The following ADAMTSL2 variants were observed in gnomAD, a reference collection of about 807,000 sequenced individuals.
ADAMTSL2 encodes ADAMTS-like protein 2.
Under a neutral mutation model 117.0 loss-of-function variants are expected in ADAMTSL2, and 55 were observed. The observed-to-expected ratio is 0.47, with a 90% CI of 0.38 to 0.59. The LOEUF is 0.59. Among genes scored for constraint, ADAMTSL2 ranks in the 20% least tolerant of loss-of-function variants. ADAMTSL2 has a pLI of 0.00. For missense variants in ADAMTSL2, 1,182 were observed against 1,354.5 expected (o/e 0.87, Z 2.00); for synonymous variants, 572 against 566.4 (o/e 1.01, Z -0.14).
rs969455405 is a variant in ADAMTSL2 at position 133,572,994 on chromosome 9, G to C, written c.2593-849G>C. 2.6e-5 allele frequency among the ~76,000 whole-genome samples: 4 copies of C among 152,330 alleles called. No individual in the cohort carries two copies. In the South Asian group the frequency reaches 8.3e-4, roughly 32 times the overall value. On this transcript the variant is annotated intron_variant, in intron 17 of 18. Transcript: ENST00000651351. ...CCAAGCCAGCCTCTCCTCGCCTGCA[G>C]ACGGTGCCAGCCCCCACCCCCTGGC...
chr9:133,538,397 C>G lies in ADAMTSL2; in HGVS notation c.282C>G (p.Ser94=). 1 of 1,613,310 alleles carries G rather than the reference C, an allele frequency of 6.2e-7. No individual in the cohort carries two copies. Among genetic ancestry groups the G allele is most frequent in the Non-Finnish European group, 8.5e-7 (1 of 1,180,042 alleles). The change falls in exon 4 of 19, where the codon TCC becomes TCG. Residue 94 remains serine, a synonymous_variant. Coordinates refer to ENST00000651351, the MANE Select transcript of ADAMTSL2 (RefSeq NM_014694.4). ...GPGNRTCTGT[S]KRYQLCRVQE... ...GGAACAGGACCTGCACGGGCACGTC[C>G]AAGCGGTACCAGCTCTGCAGAGTGC...
In ADAMTSL2 at chr9:133,575,357, CCT is replaced by C; in HGVS notation, c.*496_*497del. ...CAGCCAAGGAGGCCCAGGCGTGCTC[CCT>C]CTTATGGAGCCCCTCCCATGGAGCT... On this transcript the variant is annotated 3_prime_UTR_variant, in exon 19 of 19. Coordinates refer to ENST00000651351, the MANE Select transcript of ADAMTSL2 (RefSeq NM_014694.4). The C allele has an allele frequency of 5.4e-6, 1 of 183,536 alleles. No individual in the cohort carries two copies. The highest frequency in any genetic ancestry group is 1.5e-4 in the East Asian group (1 of 6,896). The allele number at this position is 183,536 out of a possible 1,614,324, so 11.4% of individuals were successfully genotyped here.
At position 133,568,593 on chromosome 9, in the gene ADAMTSL2, G is replaced by A. The variant is rs886063645; in HGVS notation, c.2089-10G>A. The A allele has an allele frequency of 1.5e-5, 23 of 1,578,358 alleles. No individual in the cohort carries two copies. In the East Asian group the frequency reaches 4.6e-4, roughly 31 times the overall value. On this transcript the variant is annotated splice_polypyrimidine_tract_variant and intron_variant, in intron 14 of 18. Transcript: ENST00000651351. ...CACACCCCCCCTGCCCCCTCCCCCT[G>A]CCGCCCCAGTGCACTGCCAAGTGTG...
intron 12 of ADAMTSL2, among the ~76,000 whole-genome samples, chr9:133,565,718 G>A (rs949293573): frequency 2.4e-4 from 36 of 152,350 alleles, no homozygotes; most frequent in African/African-American, 7.7e-4. Context: ...GACACACGCC[G>A]CCGGGCGGCT....
At chr9:133,570,301 G>T (rs1370785551) in intron 16 of ADAMTSL2, 30 bp from the exon 17 acceptor site, 42 of 1,536,892 alleles carry the variant, frequency 2.7e-5, no homozygotes, top group Non-Finnish European at 3.6e-5. Context: ...GGGCCCTGGC[G>T]CTGACCCGCT....
intron 11 of ADAMTSL2, 97 bp from the exon 12 acceptor site, chr9:133,561,101 C>A: frequency 1.9e-6 from 2 of 1,029,016 alleles, no homozygotes; most frequent in East Asian, 2.6e-5. Flanking sequence ...TTCAGGCGAA[C>A]ATACCCTCCG....
In ADAMTSL2 at chr9:133,537,612, C is replaced by A. The variant is rs909190407; in HGVS notation, c.233+65C>A. ...GGGCAGGGTAGCGGGCAGGAGAGGG[C>A]GGTTGGCTCTTCAGCCTGGTGGCTT... On this transcript the variant is annotated intron_variant, in intron 3 of 18. Coordinates refer to ENST00000651351, the MANE Select transcript of ADAMTSL2 (RefSeq NM_014694.4). The A allele has an allele frequency of 8.4e-6, 11 of 1,301,836 alleles. No individual in the cohort carries two copies. In the South Asian group the frequency reaches 3.3e-4, roughly 39 times the overall value. The allele number at this position is 1,301,836 out of a possible 1,614,324, so 80.6% of individuals were successfully genotyped here.
intron 17 of ADAMTSL2, among the ~76,000 whole-genome samples, chr9:133,571,673 G>A (rs1051364676): frequency 2.0e-5 from 3 of 152,250 alleles, no homozygotes; most frequent in South Asian, 2.1e-4. Flanking sequence ...TCAGCCATCC[G>A]TGCCCCTTTC....
At chr9:133,565,745 G>A (rs1292438537) in intron 12 of ADAMTSL2, among the ~76,000 whole-genome samples, 5 of 152,198 alleles carry the variant, frequency 3.3e-5, no homozygotes, top group African/African-American at 1.2e-4. Flanking sequence ...TCTGGATATG[G>A]GGAAACCGAT....
At chr9:133,552,929 G>C (rs1830519853) in intron 9 of ADAMTSL2, among the ~76,000 whole-genome samples, 1 of 152,226 alleles carries the variant, frequency 6.6e-6, no homozygotes, top group Admixed American at 6.5e-5. Context: ...TTTGTCATGA[G>C]AGGATGCACC....
At chr9:133,534,218 C>G (rs1829994480), upstream of ADAMTSL2, 1 of 152,762 alleles carries the variant, frequency 6.5e-6, no homozygotes, top group Admixed American at 6.5e-5. Context: ...CTGCTTAGGC[C>G]CCTGCATCTC....
intron 13 of ADAMTSL2, 140 bp downstream of exon 13, chr9:133,567,202 A>G: frequency 9.2e-7 from 1 of 1,086,288 alleles, no homozygotes; most frequent in Non-Finnish European, 1.3e-6. Flanking sequence ...GGAGGGGCAT[A>G]CAGACCTCAC....
At chr9:133,562,022 G>A (rs1438094434) in intron 12 of ADAMTSL2, among the ~76,000 whole-genome samples, 1 of 152,250 alleles carries the variant, frequency 6.6e-6, no homozygotes, top group African/African-American at 2.4e-5. Flanking sequence ...TGCCGGCTGT[G>A]AGGTCACATT....
chr9:133,563,333 G>A (rs1830792117), intron 12 of ADAMTSL2, among the ~76,000 whole-genome samples: 1 of 152,246 alleles, frequency 6.6e-6, no homozygotes, highest in Non-Finnish European at 1.5e-5. Context: ...CATGGTGGTG[G>A]GGTGTCAGCA....
At chr9:133,540,542 T>C (rs1180510894) in intron 5 of ADAMTSL2, 56 bp from the exon 6 acceptor site, 20 of 1,600,404 alleles carry the variant, frequency 1.2e-5, no homozygotes, top group Non-Finnish European at 1.7e-5. Flanking sequence ...GGAAGTCCTC[T>C]GAATCCGGCA....
chr9:133,552,426 G>A (rs926200309), intron 9 of ADAMTSL2, among the ~76,000 whole-genome samples: 4 of 152,206 alleles, frequency 2.6e-5, no homozygotes, highest in African/African-American at 7.2e-5. Flanking sequence ...CGCCATCAGT[G>A]CAGAGGACAA....
At chr9:133,544,632 C>G in intron 8 of ADAMTSL2, 82 bp downstream of exon 8, 2 of 1,193,600 alleles carry the variant, frequency 1.7e-6, no homozygotes, top group Non-Finnish European at 2.5e-6. Context: ...GGCACTTGAC[C>G]CTGGACCCCT....
intron 17 of ADAMTSL2, 81 bp downstream of exon 17, chr9:133,570,588 T>A (rs1334513732): frequency 2.0e-6 from 3 of 1,469,100 alleles, no homozygotes; most frequent in Non-Finnish European, 2.8e-6. Flanking sequence ...TCAAGCCTCC[T>A]TAAGTGCTTC....
intron 12 of ADAMTSL2, among the ~76,000 whole-genome samples, chr9:133,562,011 G>T (rs1281665787): frequency 6.6e-6 from 1 of 152,266 alleles, no homozygotes; most frequent in Non-Finnish European, 1.5e-5. Flanking sequence ...GGAGACCCCA[G>T]TGCCGGCTGT....
Sources: gnomAD v4.1 joint callset for allele counts (sites outside exome capture counted in the v4.1 genomes callset) on GRCh38, gnomAD v4.1.1 for gene constraint, MANE v1.5 for transcripts, NCBI Gene and HGNC (gene_info 2026-07-23, HGNC 2026-07-21) for gene names.